GRM7: variants seen among roughly 807,000 people sequenced by gnomAD.
The protein encoded by GRM7 is metabotropic glutamate receptor 7.
GRM7 carries 35 observed loss-of-function variants against 84.5 expected under a neutral mutation model. The ratio of observed to expected loss-of-function variants is 0.41; its 90% CI spans 0.32 to 0.55. The LOEUF is 0.55. Ranked by LOEUF, GRM7 falls within the 20% of genes least tolerant of loss-of-function variation. The pLI is 0.19. For synonymous variants in GRM7, 487 were observed against 455.1 expected (o/e 1.07, Z -0.89); for missense variants, 1,003 against 1,194.6 (o/e 0.84, Z 2.36).
chr3:6,891,387 C>T (rs1228805538), intron 1 of GRM7, among the ~76,000 whole-genome samples: 11 of 152,166 alleles, frequency 7.2e-5, no homozygotes, highest in East Asian at 1.9e-4. Context: ...TTGCTTTCCG[C>T]GTTTAGTGCT....
At chr3:7,468,619 C>G (rs1462438386) in intron 7 of GRM7, among the ~76,000 whole-genome samples, 1 of 152,156 alleles carries the variant, frequency 6.6e-6, no homozygotes. Context: ...GCCTGTGCCC[C>G]CACCCAAATC....
chr3:7,286,461 G>T (rs1183080954), intron 2 of GRM7, among the ~76,000 whole-genome samples: 2 of 152,132 alleles, frequency 1.3e-5, no homozygotes, highest in Non-Finnish European at 2.9e-5. Flanking sequence ...CAAATGATTT[G>T]CGGATTCAGC....
intron 8 of GRM7, among the ~76,000 whole-genome samples, chr3:7,579,819 A>G (rs1575519052): frequency 6.6e-6 from 1 of 152,170 alleles, no homozygotes; most frequent in Non-Finnish European, 1.5e-5. Flanking sequence ...ATTGCTGTCC[A>G]TTGCACTTAG....
chr3:7,306,045 A>G, intron 3 of GRM7, among the ~76,000 whole-genome samples: 1 of 152,210 alleles, frequency 6.6e-6, no homozygotes, highest in South Asian at 2.1e-4. Flanking sequence ...TAAATAATTA[A>G]CATCTTTAAT....
At chr3:7,184,210 G>A (rs1455000795) in intron 2 of GRM7, among the ~76,000 whole-genome samples, 1 of 152,034 alleles carries the variant, frequency 6.6e-6, no homozygotes, top group Non-Finnish European at 1.5e-5. Context: ...AGAAAATGCA[G>A]CTTATATGAA....
chr3:7,676,083 A>T (rs2125136532), intron 8 of GRM7, among the ~76,000 whole-genome samples: 2 of 152,280 alleles, frequency 1.3e-5, no homozygotes, highest in South Asian at 4.1e-4. Context: ...CTGGGTTACA[A>T]ATAAAGGAAA....
intron 4 of GRM7, among the ~76,000 whole-genome samples, chr3:7,342,674 C>T (rs1481739565): frequency 6.6e-6 from 1 of 152,116 alleles, no homozygotes; most frequent in African/African-American, 2.4e-5. Context: ...GAATCTAACT[C>T]AACATATCTG....
At chr3:7,004,858 A>G (rs1419510852) in intron 1 of GRM7, among the ~76,000 whole-genome samples, 1 of 152,198 alleles carries the variant, frequency 6.6e-6, no homozygotes, top group Non-Finnish European at 1.5e-5. Context: ...ACTCCAAAAA[A>G]GCACATCCGA....
chr3:7,290,313 C>T (rs531628297), intron 2 of GRM7, among the ~76,000 whole-genome samples: 72 of 152,240 alleles, frequency 4.7e-4, no homozygotes, highest in African/African-American at 1.6e-3. Flanking sequence ...AAAATGGAAG[C>T]GTTGTTCTAA....
At chr3:7,459,849 G>A (rs1698168422) in intron 6 of GRM7, among the ~76,000 whole-genome samples, 1 of 151,934 alleles carries the variant, frequency 6.6e-6, no homozygotes, top group Non-Finnish European at 1.5e-5. Flanking sequence ...GTATAAGCAA[G>A]GGAACTCAGT....
chr3:7,491,108 C>T (rs1699501669), intron 7 of GRM7, among the ~76,000 whole-genome samples: 1 of 151,800 alleles, frequency 6.6e-6, no homozygotes, highest in African/African-American at 2.4e-5. Flanking sequence ...TAAAAATCTA[C>T]TTATCACTAA....
chr3:6,937,310 T>C (rs748217320), intron 1 of GRM7, among the ~76,000 whole-genome samples: 1 of 152,188 alleles, frequency 6.6e-6, no homozygotes, highest in Non-Finnish European at 1.5e-5. Context: ...ATTTCGTGTA[T>C]CTTGGTTATT....
chr3:7,362,248 C>T (rs992052103), intron 4 of GRM7, among the ~76,000 whole-genome samples: 4 of 152,004 alleles, frequency 2.6e-5, no homozygotes, highest in South Asian at 2.1e-4. Context: ...ATCAGCACTC[C>T]AGTAAGAGAG....
rs1343381468 is a variant in GRM7 at position 7,486,386 on chromosome 3, T to G, written c.1515+24664T>G. 1.3e-5 allele frequency among the ~76,000 whole-genome samples: 2 copies of G among 152,094 alleles called. No homozygotes were observed. The highest frequency in any genetic ancestry group is 2.4e-5 in the African/African-American group (1 of 41,406). On this transcript the variant is annotated intron_variant, in intron 7 of 9. Coordinates refer to ENST00000357716, the MANE Select transcript of GRM7 (RefSeq NM_000844.4). The surrounding 1 kb of genome is among the most constrained non-coding windows in gnomAD (Gnocchi z 5.5). ...TGTCCTCAGCAAAACTGAGGACAAG[T>G]TTTGCTGTTGAGGCTTGGTCTCCAA...
chr3:6,927,637 T>C (rs1260954970), intron 1 of GRM7, among the ~76,000 whole-genome samples: 1 of 152,192 alleles, frequency 6.6e-6, no homozygotes, highest in Non-Finnish European at 1.5e-5. Flanking sequence ...TTTTCCACTA[T>C]TACATGCATT....
chr3:7,096,296 T>G (rs974335312), intron 1 of GRM7, among the ~76,000 whole-genome samples: 2 of 152,038 alleles, frequency 1.3e-5, no homozygotes, highest in Non-Finnish European at 2.9e-5. Context: ...AAGACTGTCT[T>G]TAATTCAATA....
chr3:7,573,712 T>C (rs935473932), intron 7 of GRM7, among the ~76,000 whole-genome samples: 2 of 152,360 alleles, frequency 1.3e-5, no homozygotes, highest in South Asian at 4.1e-4. Context: ...TGTTTCTGTC[T>C]GAGTCAGAAG....
At chr3:7,476,298 A>C (rs2124930399) in intron 7 of GRM7, among the ~76,000 whole-genome samples, 1 of 152,340 alleles carries the variant, frequency 6.6e-6, no homozygotes, top group Admixed American at 6.5e-5. Flanking sequence ...CTGTAATCCC[A>C]GTACTTTGGG....
At chr3:7,202,409 CA>C in intron 2 of GRM7, among the ~76,000 whole-genome samples, 1 of 152,268 alleles carries the variant, frequency 6.6e-6, no homozygotes, top group African/African-American at 2.4e-5. Flanking sequence ...CGGCTTACTG[CA>C]ACCTCTGCCT....
Sources: gnomAD v4.1 joint callset for allele counts (sites outside exome capture counted in the v4.1 genomes callset) on GRCh38, gnomAD v4.1.1 for gene constraint, Gnocchi (gnomAD v3.1) non-coding constraint, MANE v1.5 for transcripts, NCBI Gene and HGNC (gene_info 2026-07-23, HGNC 2026-07-21) for gene names.